Variants in MICALL2 observed in about 807,000 individuals in gnomAD.
MICALL2 encodes the protein MICAL like 2.
Under a neutral mutation model 91.1 loss-of-function variants are expected in MICALL2, and 111 were observed. The observed-to-expected ratio is 1.22, with a 90% CI of 1.04 to 1.43. The LOEUF (loss-of-function observed/expected upper bound fraction) is 1.43, where lower values mean the gene tolerates loss of function less well. Among genes scored for constraint, MICALL2 ranks in the 40% most tolerant of loss-of-function variants. The pLI is 0.00. For missense variants in MICALL2, 1,556 were observed against 1,236.0 expected, an observed-to-expected ratio of 1.26 and a Z score of -3.88; for synonymous variants, 694 against 525.3, an observed-to-expected ratio of 1.32 and a Z score of -4.39.
At position 1,445,461 on chromosome 7, in the gene MICALL2, G is replaced by C. The variant is rs749185993; in HGVS notation, c.642-33C>G. 1.0e-5 allele frequency: 15 copies of C among 1,463,440 alleles called. No homozygotes were observed. The Admixed American group carries it at 1.6e-4, about 16-fold the overall frequency. The allele number at this position is 1,463,440 out of a possible 1,614,324, so 90.7% of individuals were successfully genotyped here. A position where few individuals can be genotyped will look rare whatever the true frequency, so the allele number is the denominator to read the frequency against. On this transcript the variant is annotated intron_variant, in intron 5 of 16. Transcript: ENST00000297508. ...AGGAAAGGCACAGGAGCCCCAGCTC[G>C]GCACCGCCCACCCCGCCACGCATTC...
At position 1,438,984 on chromosome 7, in the gene MICALL2, A is replaced by C; in HGVS notation, c.1978T>G (p.Ser660Ala). ...GCCAGTCTCCTGCGGCGGGGTGGGG[A>C]GGGGGACCTGGCTGCCCCCAGGTGG... Reference protein sequence around the residue: ...PGPSLPARSPSPPRRRRLAVP... With the variant: ...PGPSLPARSPAPPRRRRLAVP... The change falls in exon 10 of 17, where the codon TCC becomes GCC. Residue 660 changes from serine (S) to alanine (A), a missense_variant. Coordinates refer to ENST00000297508, the MANE Select transcript of MICALL2 (RefSeq NM_182924.4). 6.3e-7 allele frequency: 1 copy of C among 1,593,598 alleles called. No individual in the cohort carries two copies. The highest frequency in any genetic ancestry group is 8.5e-7 in the Non-Finnish European group (1 of 1,175,908).
rs556838320 is a variant in MICALL2, at chr7:1,452,295, G to C, written c.144-2007C>G. 1.3e-5 allele frequency among the ~76,000 whole-genome samples: 2 copies of C among 152,272 alleles called. No individual in the cohort carries two copies. Among genetic ancestry groups the C allele is most frequent in the South Asian group, 2.1e-4 (1 of 4,826 alleles). On this transcript the variant is annotated intron_variant, in intron 1 of 16. Coordinates refer to ENST00000297508, the MANE Select transcript of MICALL2 (RefSeq NM_182924.4). The surrounding 1 kb of genome is among the most constrained non-coding windows in gnomAD (Gnocchi z 6.2). ...TGCTCGGGCCTGGGCCGATGCCTCT[G>C]TCTGCCTGGGCTTGTCCCCCGAGAG...
rs202066281 is a variant in MICALL2, at chr7:1,450,234, A to G, written c.192+6T>C. ...CAGCTGTGAGGCCGGGGCGGGGGCC[A>G]CTCACCAGTTTATTGTTTTCATAAA... On this transcript the variant is annotated splice_donor_region_variant and intron_variant, in intron 2 of 16. Transcript: ENST00000297508. 2.7e-5 allele frequency: 44 copies of G among 1,611,858 alleles called. No individual in the cohort carries two copies. Among genetic ancestry groups the G allele is most frequent in the Non-Finnish European group, 3.6e-5 (43 of 1,179,562 alleles).
chr7:1,459,164 G>C lies in MICALL2; in HGVS notation c.143+20C>G, dbSNP rs772042606. The C allele has an allele frequency of 6.3e-7, 1 of 1,598,820 alleles. No individual in the cohort carries two copies. The highest frequency in any genetic ancestry group is 8.5e-7 in the Non-Finnish European group (1 of 1,171,644). ...GCAGCCGAACAGCAGAAGAATCAAA[G>C]GGCGCCAGGCAGGACTTACATGAGG... On this transcript the variant is annotated intron_variant, in intron 1 of 16. Transcript: ENST00000297508.
chr7:1,440,561 G>C (rs371744251), intron 8 of MICALL2, 30 bp downstream of exon 8: 2 of 1,585,630 alleles, frequency 1.3e-6, no homozygotes, highest in Non-Finnish European at 1.7e-6. Flanking sequence ...TGGTGTACCA[G>C]GCCCTGGGCC....
At chr7:1,437,200 C>A (rs562006096) in intron 14 of MICALL2, 1 of 489,636 alleles carries the variant, frequency 2.0e-6, no homozygotes, top group Admixed American at 4.1e-5. Context: ...CCCTGCATCA[C>A]GAGACAAATG....
At chr7:1,442,009 CCA>C in intron 7 of MICALL2, 181 bp downstream of exon 7, 2 of 715,330 alleles carry the variant, frequency 2.8e-6, no homozygotes, top group South Asian at 1.8e-5. Flanking sequence ...TTTGCAGCCA[CCA>C]CACAGAGAGC....
intron 16 of MICALL2, 49 bp downstream of exon 16, chr7:1,435,052 G>A (rs776785542): frequency 3.9e-5 from 50 of 1,287,790 alleles, no homozygotes; most frequent in Middle Eastern, 2.3e-4. Context: ...CAGCATCCCC[G>A]GCCCACCCAG....
rs911562072 is a variant in MICALL2 at position 1,445,353 on chromosome 7, G to A, written c.717C>T (p.Thr239=). 1 of 1,598,368 alleles carries A rather than the reference G, an allele frequency of 6.3e-7. No individual in the cohort carries two copies. Among genetic ancestry groups the A allele is most frequent in the Admixed American group, 1.7e-5 (1 of 59,008 alleles). The change falls in exon 6 of 17, where the codon ACC becomes ACT. Residue 239 remains threonine, a synonymous_variant. Coordinates refer to ENST00000297508, the MANE Select transcript of MICALL2 (RefSeq NM_182924.4). ...ATGEPGTFVC[T]SHLPAAASAS... is the part of the protein sequence containing the mutation. ...CAGAGGCGGCTGCGGGGAGGTGGCT[G>A]GTGCAGACGAAGGTGCCCGGCTCTC...
In MICALL2 at chr7:1,445,033, A is replaced by C. The variant is rs1298426257; in HGVS notation, c.1037T>G (p.Met346Arg). ...GCACGGGGCAGCTGACGACCAGCCC[A>C]TCGGGGAGCTATTGGTCACACGAGG... is the stretch of plus-strand genomic sequence containing the variant. ...VRPRVTNSSP[M>R]GWSSAAPCTA... The change falls in exon 6 of 17, where the codon ATG becomes AGG. Residue 346 changes from methionine (M) to arginine (R), a missense_variant. Met to Arg is a moderately conservative substitution (Grantham distance 91). Coordinates refer to ENST00000297508, the MANE Select transcript of MICALL2 (RefSeq NM_182924.4). The C allele has an allele frequency of 6.5e-7, 1 of 1,534,348 alleles. No individual in the cohort carries two copies. Among genetic ancestry groups the C allele is most frequent in the South Asian group, 1.2e-5 (1 of 81,594 alleles).
At chr7:1,442,614 C>T in intron 6 of MICALL2, 130 bp from the exon 7 acceptor site, 1 of 846,536 alleles carries the variant, frequency 1.2e-6, no homozygotes, top group South Asian at 1.8e-5. Flanking sequence ...CCCACCATCA[C>T]CCCAGGCCAC....
chr7:1,456,639 T>C (rs1027392137), intron 1 of MICALL2, among the ~76,000 whole-genome samples: 5 of 151,800 alleles, frequency 3.3e-5, no homozygotes, highest in Non-Finnish European at 7.4e-5. Context: ...ATAAGAAAAT[T>C]AGCCAGGCAT....
intron 1 of MICALL2, among the ~76,000 whole-genome samples, chr7:1,458,026 C>G (rs1251977932): frequency 6.6e-6 from 1 of 152,268 alleles, no homozygotes; most frequent in Non-Finnish European, 1.5e-5. Flanking sequence ...ACGTTCCTGG[C>G]GAGGGAGAGC....
At position 1,444,715 on chromosome 7, in the gene MICALL2, G is replaced by T. The variant is rs754161583; in HGVS notation, c.1355C>A (p.Ala452Glu). The T allele has an allele frequency of 1.9e-6, 3 of 1,612,354 alleles. No individual in the cohort carries two copies. The highest frequency in any genetic ancestry group is 2.5e-6 in the Non-Finnish European group (3 of 1,179,854). ...GAGGGCCTGCTTGAGGAAGTTCCGC[G>T]CCTGCTCCTTGCTGCTGTCCTTGGA... ...VLSKDSSKEQ[A>E]RNFLKQALSA... is the part of the protein sequence containing the mutation. The change falls in exon 6 of 17, where the codon GCG (alanine) becomes GAG (glutamate). Residue 452 changes from alanine to glutamate, a missense_variant. Ala to Glu is a moderately radical substitution (Grantham distance 107). Transcript: ENST00000297508.
chr7:1,435,724 C>G (rs1387226055), intron 15 of MICALL2, among the ~76,000 whole-genome samples: 3 of 152,206 alleles, frequency 2.0e-5, no homozygotes, highest in Non-Finnish European at 4.4e-5. Flanking sequence ...CGTGCAGGAG[C>G]CAGGAGACGC....
At position 1,446,617 on chromosome 7, in the gene MICALL2, G is replaced by A. The variant is rs546892803; in HGVS notation, c.641+96C>T. 740 of 805,312 alleles carry A rather than the reference G, an allele frequency of 9.2e-4. 7 individuals are homozygous for A. The highest frequency in any genetic ancestry group is 1.9e-3 in the South Asian group (132 of 68,024). 49.9% of individuals were successfully genotyped at this position (805,312 alleles called of 1,614,324 possible). A position where few individuals can be genotyped will look rare whatever the true frequency, so the allele number is the denominator to read the frequency against. Reference sequence around the variant, plus strand: ...GGGAGAGGGGAGAGGAACGAGGAGCGGGGAGGAGGAGGCCGGGTGGGAGGC... The same window carrying A: ...GGGAGAGGGGAGAGGAACGAGGAGCAGGGAGGAGGAGGCCGGGTGGGAGGC... On this transcript the variant is annotated intron_variant, in intron 5 of 16. Transcript: ENST00000297508.
At chr7:1,458,411 C>T (rs1206830384) in intron 1 of MICALL2, among the ~76,000 whole-genome samples, 4 of 152,230 alleles carry the variant, frequency 2.6e-5, no homozygotes, top group Non-Finnish European at 4.4e-5. Context: ...CCTTCCTGAG[C>T]GTCTGGCCCC....
chr7:1,440,149 G>T, intron 8 of MICALL2, 64 bp from the exon 9 acceptor site: 2 of 1,547,250 alleles, frequency 1.3e-6, no homozygotes, highest in South Asian at 2.5e-5. Context: ...CACCTGGAGG[G>T]GCTCCCAGGC....
chr7:1,447,063 T>C (rs1465457256), intron 4 of MICALL2, among the ~76,000 whole-genome samples: 1 of 152,052 alleles, frequency 6.6e-6, no homozygotes, highest in Non-Finnish European at 1.5e-5. Context: ...CTTCGGTGGC[T>C]GGGGGCCAGG....
Sources: allele counts gnomAD v4.1 joint callset (sites outside exome capture counted in the v4.1 genomes callset), GRCh38; gene constraint gnomAD v4.1.1; non-coding constraint Gnocchi (gnomAD v3.1); transcripts MANE v1.5; gene names NCBI Gene and HGNC (gene_info 2026-07-23, HGNC 2026-07-21).